The following GRIA3 variants were observed in gnomAD, a reference collection of about 807,000 sequenced individuals.
The protein encoded by GRIA3 is glutamate ionotropic receptor AMPA type subunit 3.
In GRIA3, 3 loss-of-function variants were observed where a neutral mutation model predicts 63.0. That is an observed-to-expected ratio of 0.05 (90% CI 0.02 to 0.12). The LOEUF (loss-of-function observed/expected upper bound fraction) is 0.12. Among genes scored for constraint, GRIA3 ranks in the 10% least tolerant of loss-of-function variants. The pLI is 1.00. For missense variants in GRIA3, 347 were observed against 700.9 expected, an observed-to-expected ratio of 0.50 and a Z score of 5.70; for synonymous variants, 274 against 257.9, an observed-to-expected ratio of 1.06 and a Z score of -0.60.
intron 12 of GRIA3, among the ~76,000 whole-genome samples, chrX:123,462,792 A>G (rs2045800314): frequency 8.9e-6 from 1 of 111,831 alleles, no homozygotes; most frequent in Non-Finnish European, 1.9e-5. Flanking sequence ...AGGAAACCCC[A>G]CAAAAAGACA....
At chrX:123,374,030 G>A (rs181486225) in intron 5 of GRIA3, among the ~76,000 whole-genome samples, 9 of 111,713 alleles carry the variant, frequency 8.1e-5, no homozygotes, top group East Asian at 2.8e-4. Context: ...ATTAATTTTT[G>A]TATAGGGTGT....
intron 4 of GRIA3, among the ~76,000 whole-genome samples, chrX:123,333,924 G>T (rs1214324868): frequency 9.0e-6 from 1 of 111,200 alleles, no homozygotes; most frequent in Non-Finnish European, 1.9e-5. Context: ...TAAGTTGGTT[G>T]CCTTATTCTT....
In GRIA3 at chrX:123,364,961, G is replaced by T. The variant is rs1353304569; in HGVS notation, c.750+9998G>T. 2.7e-5 allele frequency among the ~76,000 whole-genome samples: 3 copies of T among 112,200 alleles called. No homozygotes were observed. In the East Asian group the frequency reaches 8.4e-4, roughly 31 times the overall value. On this transcript the variant is annotated intron_variant, in intron 5 of 15. Transcript: ENST00000620443. ...CAGAATGGTGGTTACCAGAGGCTAG[G>T]GGGTGAGGAGAGAGGGAATGAGGAG...
intron 5 of GRIA3, among the ~76,000 whole-genome samples, chrX:123,391,890 G>C (rs1268013469): frequency 8.9e-6 from 1 of 112,272 alleles, no homozygotes; most frequent in African/African-American, 3.2e-5. Context: ...CTGTCCTCAG[G>C]TTCCCAGGAG....
At chrX:123,399,655 T>C (rs1208439505) in intron 7 of GRIA3, among the ~76,000 whole-genome samples, 1 of 112,250 alleles carries the variant, frequency 8.9e-6, no homozygotes, top group African/African-American at 3.2e-5. Flanking sequence ...TTATTTCTAC[T>C]TATTTAGTTA....
chrX:123,241,289 G>T (rs147517812), intron 2 of GRIA3, among the ~76,000 whole-genome samples: 65 of 111,121 alleles, frequency 5.8e-4, no homozygotes, highest in African/African-American at 2.1e-3. Context: ...CCATTAGGAC[G>T]TTTTTAAAAA....
At chrX:123,265,268 C>A (rs1040961173) in intron 3 of GRIA3, among the ~76,000 whole-genome samples, 1 of 111,631 alleles carries the variant, frequency 9.0e-6, no homozygotes, top group Non-Finnish European at 1.9e-5. Flanking sequence ...GGGGGTTTAC[C>A]CACCTGTACA....
chrX:123,441,872 A>G (rs895194959), intron 12 of GRIA3, among the ~76,000 whole-genome samples: 4 of 111,510 alleles, frequency 3.6e-5, no homozygotes, highest in African/African-American at 1.3e-4. Context: ...TTAGCATATT[A>G]TTGAAGTTTA....
rs755032680 is a variant in GRIA3, at chrX:123,207,739, G to A, written c.268+21749G>A. Among the ~76,000 whole-genome samples the A allele has an allele frequency of 3.6e-5, 4 of 111,879 alleles. No individual in the cohort carries two copies. In the Admixed American group the frequency reaches 3.8e-4, roughly 11 times the overall value. ...TAAATTAAGCTGAAGCAGCAGGCAG[G>A]CAAGCAGGAGAAAAGCCTGGGTTTT... On this transcript the variant is annotated intron_variant, in intron 2 of 15. Transcript: ENST00000620443.
chrX:123,273,753 T>C (rs1431214019), intron 3 of GRIA3, among the ~76,000 whole-genome samples: 1 of 112,281 alleles, frequency 8.9e-6, no homozygotes, highest in East Asian at 2.8e-4. Flanking sequence ...CATCACTCTG[T>C]CTCTAGTCCT....
chrX:123,407,704 G>GGGGGGGGGGGGGGA (rs2045483626), intron 10 of GRIA3, among the ~76,000 whole-genome samples: 1 of 55,143 alleles, frequency 1.8e-5, no homozygotes. Flanking sequence ...GGGGGGGGGG[G>GGGGGGGGGGGGGGA]ACGTGGGGAC....
At chrX:123,476,347 T>C (rs1303469807) in intron 13 of GRIA3, among the ~76,000 whole-genome samples, 2 of 111,708 alleles carry the variant, frequency 1.8e-5, no homozygotes, top group Non-Finnish European at 3.8e-5. Context: ...TCCTTCAAAA[T>C]ACCTATGTGT....
At position 123,212,067 on chromosome X, in the gene GRIA3, T is replaced by G. The variant is rs751029103; in HGVS notation, c.268+26077T>G. On this transcript the variant is annotated intron_variant, in intron 2 of 15. Coordinates refer to ENST00000620443, the MANE Select transcript of GRIA3 (RefSeq NM_007325.5). ...GAATAAAATAAAATTTACTCATGAC[T>G]AAAAATATATTGTGTATGAAGTTAT... Among the ~76,000 whole-genome samples, 4 of 112,076 alleles carry G rather than the reference T, an allele frequency of 3.6e-5. No homozygotes were observed. In the East Asian group the frequency reaches 1.1e-3, roughly 31 times the overall value.
At chrX:123,345,439 A>AACACACAC (rs59142587) in intron 4 of GRIA3, among the ~76,000 whole-genome samples, 1,459 of 65,856 alleles carry the variant, frequency 0.022, 50 homozygotes, top group African/African-American at 0.072. Context: ...CCCCCTTCAC[A>AACACACAC]ACACACACAC....
chrX:123,348,597 T>C (rs1446432220), intron 4 of GRIA3, among the ~76,000 whole-genome samples: 2 of 111,805 alleles, frequency 1.8e-5, no homozygotes, highest in Admixed American at 9.5e-5. Context: ...CATAGCTTGA[T>C]AAAGCATCAT....
intron 2 of GRIA3, among the ~76,000 whole-genome samples, chrX:123,248,814 G>C (rs760347599): frequency 9.0e-6 from 1 of 111,566 alleles, no homozygotes; most frequent in East Asian, 2.8e-4. Flanking sequence ...AAGAAAAAAA[G>C]AGAAATGGGT....
chrX:123,380,975 GA>G (rs1194115467), intron 5 of GRIA3, among the ~76,000 whole-genome samples: 2 of 111,183 alleles, frequency 1.8e-5, no homozygotes, highest in African/African-American at 6.5e-5. Context: ...CATTATTTCT[GA>G]GGGGTAGCAA....
intron 5 of GRIA3, among the ~76,000 whole-genome samples, chrX:123,380,586 T>TCTCC (rs1342556764): frequency 1.4e-4 from 16 of 111,948 alleles, no homozygotes; most frequent in Admixed American, 1.2e-3. Context: ...TTTCTCCCAT[T>TCTCC]CTGTAGGTTG....
chrX:123,442,819 G>A (rs760328702), intron 12 of GRIA3, among the ~76,000 whole-genome samples: 3 of 98,694 alleles, frequency 3.0e-5, no homozygotes, highest in South Asian at 4.9e-4. Context: ...AATATTTGAC[G>A]ATTTTCTGCT....
Sources: gnomAD v4.1 joint callset for allele counts (sites outside exome capture counted in the v4.1 genomes callset) on GRCh38, gnomAD v4.1.1 for gene constraint, MANE v1.5 for transcripts, NCBI Gene and HGNC (gene_info 2026-07-23, HGNC 2026-07-21) for gene names.